The following ABI2 variants were observed in gnomAD, a reference collection of about 807,000 sequenced individuals.
ABI2 encodes abl interactor 2.
Under a neutral mutation model 59.2 loss-of-function variants are expected in ABI2, and 25 were observed. The ratio of observed to expected loss-of-function variants is 0.42; its 90% CI spans 0.31 to 0.59. The LOEUF is 0.59. Ranked by LOEUF, ABI2 falls within the 20% of genes least tolerant of loss-of-function variation. The pLI is 0.14. For missense variants in ABI2, 545 were observed against 681.8 expected (o/e 0.80, Z 2.23); for synonymous variants, 213 against 235.5 (o/e 0.90, Z 0.87).
At chr2:203,367,308 C>A (rs941160557) in intron 2 of ABI2, 11 of 249,410 alleles carry the variant, frequency 4.4e-5, no homozygotes, top group Admixed American at 6.6e-5. Context: ...AATGAAACTT[C>A]ATCCATTCCC....
At chr2:203,365,738 T>C (rs2094338048) in intron 1 of ABI2, among the ~76,000 whole-genome samples, 1 of 147,872 alleles carries the variant, frequency 6.8e-6, no homozygotes, top group East Asian at 2.1e-4. Flanking sequence ...CACACTGTTC[T>C]CCTACCTCAG....
chr2:203,402,803 C>A, intron 9 of ABI2, 69 bp downstream of exon 9: 1 of 1,357,142 alleles, frequency 7.4e-7, no homozygotes, highest in Non-Finnish European at 9.9e-7. Context: ...ACAAAAAACC[C>A]TTAATTACAA....
In ABI2 at chr2:203,380,136, CATAT is replaced by C. The variant is rs2096017782; in HGVS notation, c.286-67_286-64del. 3.3e-5 allele frequency: 30 copies of C among 898,008 alleles called. No homozygotes were observed. In the East Asian group the frequency reaches 8.3e-4, roughly 25 times the overall value. 55.6% of individuals were successfully genotyped at this position (898,008 alleles called of 1,614,324 possible). ...TGAGTAGCAATATTAAATCTCTAGG[CATAT>C]ATATTTTGATTTTTGTGGATATTAG... On this transcript the variant is annotated intron_variant, in intron 2 of 11. Coordinates refer to ENST00000261018, the MANE Select transcript of ABI2 (RefSeq NM_001375670.1).
intron 2 of ABI2, among the ~76,000 whole-genome samples, chr2:203,373,324 G>A (rs893769459): frequency 3.9e-5 from 6 of 152,232 alleles, no homozygotes; most frequent in African/African-American, 9.6e-5. Flanking sequence ...CCAGTCAGGC[G>A]TGGCGGCGCG....
At chr2:203,339,651 A>G (rs754458709) in intron 1 of ABI2, among the ~76,000 whole-genome samples, 10 of 152,132 alleles carry the variant, frequency 6.6e-5, no homozygotes, top group East Asian at 1.9e-4. Flanking sequence ...TAGGACAAAC[A>G]TACAATCCCA....
At chr2:203,334,678 T>TC (rs1250355045) in intron 1 of ABI2, among the ~76,000 whole-genome samples, 1 of 151,578 alleles carries the variant, frequency 6.6e-6, no homozygotes, top group East Asian at 1.9e-4. Context: ...ATTTTTTTTT[T>TC]TTTTGAGACA....
At chr2:203,395,010 C>A in intron 6 of ABI2, 164 bp downstream of exon 6, 1 of 825,000 alleles carries the variant, frequency 1.2e-6, no homozygotes, top group Non-Finnish European at 2.0e-6. Context: ...TCTGATTCAA[C>A]TTTGAGCAGT....
At chr2:203,339,612 G>C (rs56735374) in intron 1 of ABI2, among the ~76,000 whole-genome samples, 2 of 147,630 alleles carry the variant, frequency 1.4e-5, no homozygotes, top group African/African-American at 4.9e-5. Context: ...AAGAAAAAAA[G>C]AAAACCCAGT....
At chr2:203,372,799 G>A (rs955425838) in intron 2 of ABI2, among the ~76,000 whole-genome samples, 1 of 151,838 alleles carries the variant, frequency 6.6e-6, no homozygotes. Context: ...CAGATGGGGC[G>A]GCCGGGCAGA....
intron 4 of ABI2, among the ~76,000 whole-genome samples, chr2:203,384,747 T>G (rs1275030085): frequency 6.6e-6 from 1 of 152,174 alleles, no homozygotes; most frequent in Non-Finnish European, 1.5e-5. Context: ...AAAATAAGCA[T>G]ATTAGTTTAA....
intron 1 of ABI2, among the ~76,000 whole-genome samples, chr2:203,358,115 T>TGTGTGTGTGTGTG (rs57591649): frequency 1.9e-3 from 122 of 63,452 alleles, no homozygotes; most frequent in Non-Finnish European, 3.3e-3. Context: ...GTGTGTGTGT[T>TGTGTGTGTGTGTG]TGTTTGTTTG....
intron 8 of ABI2, among the ~76,000 whole-genome samples, chr2:203,397,525 T>C (rs2097052963): frequency 1.3e-5 from 2 of 152,188 alleles, no homozygotes; most frequent in Non-Finnish European, 2.9e-5. Flanking sequence ...GGGGAGGAGA[T>C]AGACTCAATT....
chr2:203,329,950 T>A (rs1488871297), intron 1 of ABI2, among the ~76,000 whole-genome samples: 2 of 152,144 alleles, frequency 1.3e-5, no homozygotes, highest in Admixed American at 6.6e-5. Context: ...TTGACCAGAC[T>A]GGTCTCGAAC....
At chr2:203,353,636 C>T (rs1262562949) in intron 1 of ABI2, among the ~76,000 whole-genome samples, 2 of 152,010 alleles carry the variant, frequency 1.3e-5, no homozygotes, top group Non-Finnish European at 2.9e-5. Flanking sequence ...TGTGCCACCA[C>T]GCCTGGCTGG....
At chr2:203,371,789 A>G (rs1214998219) in intron 2 of ABI2, among the ~76,000 whole-genome samples, 1 of 152,140 alleles carries the variant, frequency 6.6e-6, no homozygotes, top group African/African-American at 2.4e-5. Context: ...ATAAGGATGA[A>G]TGTTGCTTAC....
chr2:203,419,151 C>T (rs1037424717), intron 11 of ABI2, among the ~76,000 whole-genome samples: 4 of 149,528 alleles, frequency 2.7e-5, no homozygotes, highest in African/African-American at 9.9e-5. Flanking sequence ...CTCTTGTTGC[C>T]CAGGCTGGAG....
intron 11 of ABI2, among the ~76,000 whole-genome samples, chr2:203,424,079 T>G (rs77385734): frequency 0.025 from 3,748 of 152,328 alleles, 172 homozygotes; most frequent in African/African-American, 0.086. Flanking sequence ...TTTGATACTA[T>G]GCGTGATATA....
chr2:203,336,946 A>T (rs950180820), intron 1 of ABI2, among the ~76,000 whole-genome samples: 1 of 152,114 alleles, frequency 6.6e-6, no homozygotes, highest in Non-Finnish European at 1.5e-5. Flanking sequence ...CTTTGTCAGC[A>T]TTTGGTTTTG....
At chr2:203,346,121 T>C (rs1444238538) in intron 1 of ABI2, among the ~76,000 whole-genome samples, 3 of 151,278 alleles carry the variant, frequency 2.0e-5, no homozygotes, top group Non-Finnish European at 2.9e-5. Context: ...TTCACTCCAG[T>C]CTGGGTGACA....
Sources: allele counts gnomAD v4.1 joint callset (sites outside exome capture counted in the v4.1 genomes callset), GRCh38; gene constraint gnomAD v4.1.1; transcripts MANE v1.5; gene names NCBI Gene and HGNC (gene_info 2026-07-23, HGNC 2026-07-21).